The following TGFBR2 variants were observed in gnomAD, a reference collection of about 807,000 sequenced individuals.
The protein encoded by TGFBR2 is TGF-beta receptor type-2.
Under a neutral mutation model 49.0 loss-of-function variants are expected in TGFBR2, and 18 were observed. That is an observed-to-expected ratio of 0.37 (90% confidence interval 0.25 to 0.54). The LOEUF is 0.54. TGFBR2 is among the 20% of genes least tolerant of loss of function. TGFBR2 has a pLI of 0.85. For missense variants in TGFBR2, 525 were observed against 722.6 expected (o/e 0.73, Z 3.13); for synonymous variants, 282 against 275.9 (o/e 1.02, Z -0.22).
At chr3:30,685,467 T>C (rs1337078646) in intron 5 of TGFBR2, among the ~76,000 whole-genome samples, 1 of 152,056 alleles carries the variant, frequency 6.6e-6, no homozygotes, top group Non-Finnish European at 1.5e-5. Context: ...GTGCAATGAT[T>C]TATTGAGGAT....
In TGFBR2 at chr3:30,633,848, C is replaced by A. The variant is rs574668828; in HGVS notation, c.95-10899C>A. Among the ~76,000 whole-genome samples the A allele has an allele frequency of 3.3e-5, 5 of 152,294 alleles. No individual in the cohort carries two copies. In the East Asian group the frequency reaches 7.7e-4, roughly 23 times the overall value. On this transcript the variant is annotated intron_variant, in intron 1 of 6. Coordinates refer to ENST00000295754, the MANE Select transcript of TGFBR2 (RefSeq NM_003242.6). ...CTGTGCTCTGTGTCCAGCTCTTGTA[C>A]CCACTGTAGCAATTTCTGCTTTAGC... is the stretch of plus-strand genomic sequence containing the variant.
chr3:30,636,805 C>T (rs553387916), intron 1 of TGFBR2, among the ~76,000 whole-genome samples: 2 of 151,824 alleles, frequency 1.3e-5, no homozygotes, highest in African/African-American at 4.8e-5. Context: ...TGGCTCAAGC[C>T]TGTAATCCCA....
chr3:30,606,840 C>G lies in TGFBR2; in HGVS notation c.-44C>G, dbSNP rs1697931274. ...GCCAGGGGTCCGGGAAGGCGCCGTC[C>G]GCTGCGCTGGGGGCTCGGTCTATGA... On this transcript the variant is annotated 5_prime_UTR_variant, in exon 1 of 7. Transcript: ENST00000295754. 1 of 1,320,236 alleles carries G rather than the reference C, an allele frequency of 7.6e-7. No individual in the cohort carries two copies. The highest frequency in any genetic ancestry group is 2.0e-5 in the South Asian group (1 of 50,850). 81.8% of individuals were successfully genotyped at this position (1,320,236 alleles called of 1,614,324 possible).
rs900146685 is a variant in TGFBR2 at position 30,692,123 on chromosome 3, T to C, written c.*524T>C. 4.5e-6 allele frequency: 1 copy of C among 224,542 alleles called. No individual in the cohort carries two copies. The highest frequency in any genetic ancestry group is 2.2e-5 in the African/African-American group (1 of 44,764). 13.9% of individuals were successfully genotyped at this position (224,542 alleles called of 1,614,324 possible). On this transcript the variant is annotated 3_prime_UTR_variant, in exon 7 of 7. Coordinates refer to ENST00000295754, the MANE Select transcript of TGFBR2 (RefSeq NM_003242.6). ...TGACTGTAAAACAGTGAACTTTGCATGAGGAAAGAGGCTCCATGTCTCACA... is the reference window on the plus strand; with the variant it reads ...TGACTGTAAAACAGTGAACTTTGCACGAGGAAAGAGGCTCCATGTCTCACA...
intron 5 of TGFBR2, among the ~76,000 whole-genome samples, chr3:30,681,232 GA>G (rs924248166): frequency 3.3e-5 from 5 of 150,852 alleles, no homozygotes; most frequent in African/African-American, 1.2e-4. Context: ...GAAAGAGACA[GA>G]AAAAAAGGAG....
intron 1 of TGFBR2, among the ~76,000 whole-genome samples, chr3:30,642,874 C>G (rs376709073): frequency 1.7e-4 from 26 of 152,250 alleles, no homozygotes; most frequent in African/African-American, 6.0e-4. Context: ...ATATTTTTAG[C>G]TAAGCATAGA....
chr3:30,683,431 G>A (rs1159017825), intron 5 of TGFBR2, among the ~76,000 whole-genome samples: 1 of 152,154 alleles, frequency 6.6e-6, no homozygotes, highest in Non-Finnish European at 1.5e-5. Flanking sequence ...TTTTACCAAA[G>A]CCTTTATTCC....
intron 1 of TGFBR2, among the ~76,000 whole-genome samples, chr3:30,625,009 TGTTACC>T (rs1179578812): frequency 6.6e-6 from 1 of 152,218 alleles, no homozygotes; most frequent in Non-Finnish European, 1.5e-5. Context: ...TAAATTTCAG[TGTTACC>T]TTTTTCTGAA....
chr3:30,613,123 A>G (rs976036034), intron 1 of TGFBR2, among the ~76,000 whole-genome samples: 3 of 143,958 alleles, frequency 2.1e-5, no homozygotes, highest in African/African-American at 5.1e-5. Flanking sequence ...AGGTCAAGAC[A>G]TGCAGCTCTT....
At chr3:30,685,427 T>G (rs1443662983) in intron 5 of TGFBR2, among the ~76,000 whole-genome samples, 1 of 152,170 alleles carries the variant, frequency 6.6e-6, no homozygotes. Flanking sequence ...TTGGGCCAGC[T>G]TTACTAGAAG....
rs772076729 is a variant in TGFBR2, at chr3:30,688,393, A to G, written c.1406A>G (p.Asp469Gly). The change falls in exon 6 of 7, where the codon GAT (aspartate) becomes GGT (glycine). Residue 469 changes from aspartate (D) to glycine (G), a missense_variant. Transcript: ENST00000295754. ...CTGGCTTTCTTCACAGAAGTAAAAG[A>G]TTATGAGCCTCCATTTGGTTCCAAG... ...SRCNAVGEVK[D>G]YEPPFGSKVR... The G allele has an allele frequency of 6.2e-7, 1 of 1,614,190 alleles. No homozygotes were observed. The highest frequency in any genetic ancestry group is 8.5e-7 in the Non-Finnish European group (1 of 1,180,012).
intron 1 of TGFBR2, among the ~76,000 whole-genome samples, chr3:30,613,379 C>T (rs550309967): frequency 1.8e-4 from 28 of 152,230 alleles, no homozygotes; most frequent in Non-Finnish European, 4.0e-4. Context: ...AACCCACATT[C>T]GCTGTCCAGA....
chr3:30,622,319 T>C (rs1436511591), intron 1 of TGFBR2, among the ~76,000 whole-genome samples: 1 of 152,160 alleles, frequency 6.6e-6, no homozygotes, highest in Admixed American at 6.5e-5. Context: ...GAAAATGAAA[T>C]GATCAGACTC....
At chr3:30,645,801 TATCGG>T (rs1427774268) in intron 2 of TGFBR2, among the ~76,000 whole-genome samples, 6 of 150,988 alleles carry the variant, frequency 4.0e-5, no homozygotes, top group Non-Finnish European at 7.4e-5. Context: ...TATATATTTT[TATCGG>T]ATCACATTTT....
At chr3:30,625,443 A>C (rs1698316770) in intron 1 of TGFBR2, among the ~76,000 whole-genome samples, 1 of 152,182 alleles carries the variant, frequency 6.6e-6, no homozygotes, top group African/African-American at 2.4e-5. Flanking sequence ...CCTTGAACTT[A>C]CTTTTAATGT....
At chr3:30,658,925 T>C (rs1575151165) in intron 3 of TGFBR2, among the ~76,000 whole-genome samples, 1 of 152,324 alleles carries the variant, frequency 6.6e-6, no homozygotes, top group East Asian at 1.9e-4. Context: ...TCGCATGCAT[T>C]GAGCATTTTG....
chr3:30,636,417 A>G (rs1054687279), intron 1 of TGFBR2, among the ~76,000 whole-genome samples: 1 of 152,036 alleles, frequency 6.6e-6, no homozygotes, highest in African/African-American at 2.4e-5. Context: ...TGGTCTCCCT[A>G]TTAGGTATTG....
At chr3:30,640,950 G>A (rs1460715726) in intron 1 of TGFBR2, among the ~76,000 whole-genome samples, 5 of 152,066 alleles carry the variant, frequency 3.3e-5, no homozygotes, top group Non-Finnish European at 7.4e-5. Context: ...TGTATTAAAC[G>A]TAAGGAGATG....
intron 3 of TGFBR2, among the ~76,000 whole-genome samples, chr3:30,653,311 G>A (rs577197010): frequency 7.3e-6 from 1 of 136,456 alleles, no homozygotes; most frequent in Admixed American, 8.5e-5. Flanking sequence ...GAGTGCAATG[G>A]TGCAGTCTCG....
Sources: allele counts gnomAD v4.1 joint callset (sites outside exome capture counted in the v4.1 genomes callset), GRCh38; gene constraint gnomAD v4.1.1; transcripts MANE v1.5; gene names NCBI Gene and HGNC (gene_info 2026-07-23, HGNC 2026-07-21).